MTHFD2L: variants seen among roughly 807,000 people sequenced by gnomAD.
MTHFD2L encodes the protein methylenetetrahydrofolate dehydrogenase (NADP+ dependent) 2 like, also known as bifunctional methylenetetrahydrofolate dehydrogenase/cyclohydrolase 2, mitochondrial.
MTHFD2L carries 29 observed loss-of-function variants against 34.9 expected under a neutral mutation model. The ratio of observed to expected loss-of-function variants is 0.83; its 90% CI spans 0.62 to 1.13. MTHFD2L has a LOEUF of 1.13. Among genes scored for constraint, MTHFD2L ranks in the 50% most tolerant of loss-of-function variants. The pLI is 0.00. For synonymous variants in MTHFD2L, 167 were observed against 155.7 expected, an observed-to-expected ratio of 1.07 and a Z score of -0.54; for missense variants, 481 against 446.5, an observed-to-expected ratio of 1.08 and a Z score of -0.70.
At chr4:74,230,768 CAGTA>C (rs1418691546) in intron 6 of MTHFD2L, among the ~76,000 whole-genome samples, 5 of 152,016 alleles carry the variant, frequency 3.3e-5, no homozygotes, top group Non-Finnish European at 7.4e-5. Context: ...GAAAGCTAGC[CAGTA>C]TCAATTCTAA....
intron 1 of MTHFD2L, among the ~76,000 whole-genome samples, chr4:74,142,103 C>CA: frequency 6.6e-6 from 1 of 152,144 alleles, no homozygotes. Context: ...CGTAATATCC[C>CA]AAAAGGCTGA....
intron 5 of MTHFD2L, among the ~76,000 whole-genome samples, chr4:74,202,289 G>A (rs546627351): frequency 1.3e-5 from 2 of 152,174 alleles, no homozygotes; most frequent in African/African-American, 4.8e-5. Context: ...AGGACCACAC[G>A]AGTAAACAAG....
intron 7 of MTHFD2L, among the ~76,000 whole-genome samples, chr4:74,289,133 G>T (rs1022646628): frequency 1.3e-5 from 2 of 152,152 alleles, no homozygotes; most frequent in African/African-American, 2.4e-5. Context: ...TTCCATTTTG[G>T]TTATAGGAGA....
intron 1 of MTHFD2L, among the ~76,000 whole-genome samples, chr4:74,141,169 G>A (rs1414510941): frequency 6.6e-6 from 1 of 152,088 alleles, no homozygotes; most frequent in Non-Finnish European, 1.5e-5. Flanking sequence ...TAGTTTACTG[G>A]TGCTCTAAGT....
rs114128371 is a variant in MTHFD2L at position 74,159,880 on chromosome 4, G to A, written c.143+1599G>A. Among the ~76,000 whole-genome samples the A allele has an allele frequency of 7.9e-3, 1,196 of 152,158 alleles. 17 individuals carry two copies. Among genetic ancestry groups the A allele is most frequent in the African/African-American group, 0.027 (1,124 of 41,508 alleles). On this transcript the variant is annotated intron_variant, in intron 1 of 7. Transcript: ENST00000325278. ...TTGATAGTTTTTATTTTTTAAAGAGGGCACTAGGCAAGTTAAGATAAGGCG... is the reference window on the plus strand; with the variant it reads ...TTGATAGTTTTTATTTTTTAAAGAGAGCACTAGGCAAGTTAAGATAAGGCG...
rs1015199094 is a variant in MTHFD2L, at chr4:74,216,785, A to G, written c.713-8517A>G. Among the ~76,000 whole-genome samples, 3 of 151,828 alleles carry G rather than the reference A, an allele frequency of 2.0e-5. No individual in the cohort carries two copies. In the East Asian group the frequency reaches 5.8e-4, roughly 29 times the overall value. On this transcript the variant is annotated intron_variant, in intron 5 of 7. Transcript: ENST00000325278. ...TTGTCTAATATTAGCAATCTGTGTA[A>G]AATATGCCTATGATATCACCACCTG...
At chr4:74,247,097 C>T (rs1742583050) in intron 6 of MTHFD2L, among the ~76,000 whole-genome samples, 1 of 148,882 alleles carries the variant, frequency 6.7e-6, no homozygotes, top group African/African-American at 2.5e-5. Context: ...AATATTGATT[C>T]TTCCTACCCA....
intron 6 of MTHFD2L, chr4:74,267,595 CTTGT>C: frequency 2.7e-6 from 1 of 368,982 alleles, no homozygotes; most frequent in Non-Finnish European, 3.8e-6. Context: ...TGTTTGTTTG[CTTGT>C]TTGTTTGTTG....
chr4:74,280,894 G>T (rs767525977), intron 6 of MTHFD2L, among the ~76,000 whole-genome samples: 4 of 152,070 alleles, frequency 2.6e-5, no homozygotes, highest in Non-Finnish European at 2.9e-5. Flanking sequence ...TTGATGAGAT[G>T]CCATTATGAG....
intron 1 of MTHFD2L, chr4:74,164,967 G>A (rs1257304119): frequency 1.0e-6 from 1 of 985,230 alleles, no homozygotes. Flanking sequence ...GTAATGACAG[G>A]GCACATCATG....
upstream of MTHFD2L, chr4:74,156,567 T>C (rs1724276097): frequency 2.0e-5 from 3 of 152,224 alleles, no homozygotes; most frequent in Admixed American, 2.0e-4. Context: ...GTTGGGTAAA[T>C]ACATAGGAAC....
chr4:74,172,993 T>C (rs972058273), intron 1 of MTHFD2L, among the ~76,000 whole-genome samples: 5 of 152,182 alleles, frequency 3.3e-5, no homozygotes, highest in Admixed American at 6.5e-5. Context: ...AGTGTACAGA[T>C]ACCACAAAGA....
intron 5 of MTHFD2L, among the ~76,000 whole-genome samples, chr4:74,205,594 T>TA (rs941532743): frequency 1.3e-4 from 20 of 152,330 alleles, no homozygotes; most frequent in African/African-American, 4.8e-4. Context: ...GTATTTTTTT[T>TA]AATTCCCCAA....
At chr4:74,127,980 G>T (rs1722200244) in intron 1 of MTHFD2L, among the ~76,000 whole-genome samples, 1 of 152,030 alleles carries the variant, frequency 6.6e-6, no homozygotes, top group Non-Finnish European at 1.5e-5. Context: ...GTTTGGATTT[G>T]CATTTTTCTG....
chr4:74,177,078 C>G (rs1464966611), intron 3 of MTHFD2L, among the ~76,000 whole-genome samples: 1 of 151,744 alleles, frequency 6.6e-6, no homozygotes, highest in Non-Finnish European at 1.5e-5. Flanking sequence ...TCAGTTTTCC[C>G]CCTGAGAAAA....
chr4:74,155,419 C>T (rs532614780), upstream of MTHFD2L, among the ~76,000 whole-genome samples: 10 of 152,190 alleles, frequency 6.6e-5, no homozygotes, highest in Non-Finnish European at 1.5e-4. Context: ...AAGTTCTAAA[C>T]TTTACACTGT....
At chr4:74,262,241 G>A (rs1339986395) in intron 6 of MTHFD2L, among the ~76,000 whole-genome samples, 2 of 151,790 alleles carry the variant, frequency 1.3e-5, no homozygotes, top group South Asian at 4.2e-4. Flanking sequence ...ATATATTTCA[G>A]ATGAGATAAA....
At chr4:74,274,603 C>T (rs573717718) in intron 6 of MTHFD2L, among the ~76,000 whole-genome samples, 25 of 152,216 alleles carry the variant, frequency 1.6e-4, no homozygotes, top group South Asian at 6.2e-4. Flanking sequence ...AAAATATCAC[C>T]GAAACAATTC....
chr4:74,257,773 T>A (rs1243301000), intron 6 of MTHFD2L, among the ~76,000 whole-genome samples: 6 of 152,092 alleles, frequency 3.9e-5, no homozygotes, highest in Non-Finnish European at 8.8e-5. Context: ...AAAAGCTTCT[T>A]CACAGCAAAG....
Sources: allele counts gnomAD v4.1 joint callset (sites outside exome capture counted in the v4.1 genomes callset), GRCh38; gene constraint gnomAD v4.1.1; transcripts MANE v1.5; gene names NCBI Gene and HGNC (gene_info 2026-07-23, HGNC 2026-07-21).